The following RIMS2 variants were observed in gnomAD, a reference collection of about 807,000 sequenced individuals.
RIMS2 encodes the protein regulating synaptic membrane exocytosis 2.
Under a neutral mutation model 174.4 loss-of-function variants are expected in RIMS2, and 59 were observed. The observed-to-expected ratio is 0.34, with a 90% CI of 0.27 to 0.42. RIMS2 has a LOEUF of 0.42. RIMS2 is among the 10% of genes least tolerant of loss of function. RIMS2 has a pLI of 1.00. For synonymous variants in RIMS2, 606 were observed against 572.5 expected, an observed-to-expected ratio of 1.06 and a Z score of -0.84; for missense variants, 1,620 against 1,666.3, an observed-to-expected ratio of 0.97 and a Z score of 0.48.
intron 1 of RIMS2, among the ~76,000 whole-genome samples, chr8:103,591,870 A>G (rs1480503023): frequency 6.6e-6 from 1 of 151,142 alleles, no homozygotes; most frequent in African/African-American, 2.4e-5. Context: ...AGTTGGATTA[A>G]TATTCTGTGT....
chr8:103,786,471 T>G (rs1306219452), intron 3 of RIMS2, among the ~76,000 whole-genome samples: 1 of 152,128 alleles, frequency 6.6e-6, no homozygotes, highest in Non-Finnish European at 1.5e-5. Flanking sequence ...GTATGTTGTG[T>G]CTTTGTTCTC....
At chr8:103,940,244 G>T (rs538353110) in intron 13 of RIMS2, among the ~76,000 whole-genome samples, 2 of 152,144 alleles carry the variant, frequency 1.3e-5, no homozygotes, top group Non-Finnish European at 2.9e-5. Context: ...CACAGTCATG[G>T]TGGAAGGCAA....
At chr8:103,843,417 G>C (rs2098951668) in intron 3 of RIMS2, among the ~76,000 whole-genome samples, 1 of 152,186 alleles carries the variant, frequency 6.6e-6, no homozygotes, top group Non-Finnish European at 1.5e-5. Context: ...ATGCACCACT[G>C]TGCCTGTCTG....
At chr8:103,530,763 G>A (rs971966639) in intron 1 of RIMS2, among the ~76,000 whole-genome samples, 9 of 151,668 alleles carry the variant, frequency 5.9e-5, no homozygotes, top group African/African-American at 2.2e-4. Context: ...TATGTACAAG[G>A]CAAAATTTTA....
chr8:104,029,124 T>A (rs550172040), intron 19 of RIMS2, among the ~76,000 whole-genome samples: 3 of 152,106 alleles, frequency 2.0e-5, no homozygotes, highest in Non-Finnish European at 1.5e-5. Context: ...GGCACTGGAG[T>A]AAGTGCCTTT....
chr8:103,896,424 T>A (rs1402167847), intron 4 of RIMS2, among the ~76,000 whole-genome samples: 1 of 151,622 alleles, frequency 6.6e-6, no homozygotes, highest in East Asian at 1.9e-4. Context: ...GTAACATATA[T>A]CTGTTGTTAT....
chr8:104,251,552 C>G, intron 23 of RIMS2, 50 bp from the exon 30 acceptor site: 3 of 949,878 alleles, frequency 3.2e-6, no homozygotes, highest in Non-Finnish European at 5.1e-6. Flanking sequence ...ACAAGTTTTT[C>G]TATGTACACA....
intron 19 of RIMS2, among the ~76,000 whole-genome samples, chr8:104,163,664 G>A (rs2098778597): frequency 6.6e-6 from 1 of 152,172 alleles, no homozygotes; most frequent in African/African-American, 2.4e-5. Flanking sequence ...TGGAAAAGTG[G>A]AATCTAGTGT....
rs529279653 is a variant in RIMS2, at chr8:104,090,138, T to C, written c.3334+75523T>C. 2.6e-5 allele frequency among the ~76,000 whole-genome samples: 4 copies of C among 151,806 alleles called. No homozygotes were observed. The South Asian group carries it at 8.3e-4, about 31-fold the overall frequency. ...TGTGTGATGAATTACACACTATCTC[T>C]TGTCATAGGGCTGTGTGTGAATAAA... On this transcript the variant is annotated intron_variant, in intron 19 of 23. Coordinates refer to ENST00000504942, the Ensembl canonical transcript of RIMS2.
intron 2 of RIMS2, among the ~76,000 whole-genome samples, chr8:103,731,018 GA>G (rs745750999): frequency 6.6e-5 from 10 of 152,174 alleles, no homozygotes; most frequent in Non-Finnish European, 1.2e-4. Context: ...GCAGTCAAGA[GA>G]GAGCTTGTGC....
chr8:104,057,604 C>T (rs2154559751), intron 19 of RIMS2, among the ~76,000 whole-genome samples: 1 of 151,394 alleles, frequency 6.6e-6, no homozygotes, highest in South Asian at 2.1e-4. Context: ...TTTTAGGGTA[C>T]ATGTGCACAA....
chr8:103,657,189 A>G (rs1045236717), intron 1 of RIMS2, among the ~76,000 whole-genome samples: 1 of 152,176 alleles, frequency 6.6e-6, no homozygotes, highest in Non-Finnish European at 1.5e-5. Context: ...GCCCAAGAGC[A>G]CAGGTTCACT....
At chr8:104,166,103 G>C (rs1156451696) in intron 19 of RIMS2, among the ~76,000 whole-genome samples, 2 of 124,456 alleles carry the variant, frequency 1.6e-5, no homozygotes, top group African/African-American at 6.2e-5. Context: ...GTCTCGCTCT[G>C]TCGCCCAGGC....
intron 1 of RIMS2, among the ~76,000 whole-genome samples, chr8:103,520,550 ATCTTTGC>A (rs1470639431): frequency 6.6e-6 from 1 of 152,150 alleles, no homozygotes; most frequent in Non-Finnish European, 1.5e-5. Context: ...ACAGAGTGTC[ATCTTTGC>A]TCTTTGCTTG....
intron 19 of RIMS2, among the ~76,000 whole-genome samples, chr8:104,088,009 C>A (rs1270483073): frequency 1.3e-5 from 2 of 152,072 alleles, no homozygotes; most frequent in Non-Finnish European, 2.9e-5. Context: ...TTGCTCACTG[C>A]CCTCTCCTCC....
intron 3 of RIMS2, among the ~76,000 whole-genome samples, chr8:103,810,848 A>T (rs1234025212): frequency 1.3e-5 from 2 of 152,328 alleles, no homozygotes; most frequent in Non-Finnish European, 2.9e-5. Context: ...GAAAGAAAGG[A>T]ATTATGAATG....
At chr8:103,780,161 C>T (rs905303909) in intron 3 of RIMS2, among the ~76,000 whole-genome samples, 2 of 152,044 alleles carry the variant, frequency 1.3e-5, no homozygotes, top group African/African-American at 2.4e-5. Context: ...CTTCTAGCTG[C>T]TTTTAGGATC....
chr8:103,580,353 G>T (rs900181462), intron 1 of RIMS2, among the ~76,000 whole-genome samples: 5 of 151,738 alleles, frequency 3.3e-5, no homozygotes, highest in Non-Finnish European at 7.4e-5. Flanking sequence ...ATATTTCATT[G>T]CAATTAGAAA....
At chr8:104,001,918 A>G (rs890338847) in intron 17 of RIMS2, among the ~76,000 whole-genome samples, 1 of 152,032 alleles carries the variant, frequency 6.6e-6, no homozygotes, top group African/African-American at 2.4e-5. Flanking sequence ...CATTTTATTC[A>G]CGGATGATTT....
Sources: gnomAD v4.1 joint callset for allele counts (sites outside exome capture counted in the v4.1 genomes callset) on GRCh38, gnomAD v4.1.1 for gene constraint, MANE v1.5 for transcripts, NCBI Gene and HGNC (gene_info 2026-07-23, HGNC 2026-07-21) for gene names.